Variants in DLGAP2 observed in about 807,000 individuals in gnomAD.
DLGAP2 encodes the protein disks large-associated protein 2.
Under a neutral mutation model 100.3 loss-of-function variants are expected in DLGAP2, and 26 were observed. The ratio of observed to expected loss-of-function variants is 0.26; its 90% CI spans 0.19 to 0.36. DLGAP2 has a LOEUF of 0.36. Among genes scored for constraint, DLGAP2 ranks in the 10% least tolerant of loss-of-function variants. The pLI is 1.00. For synonymous variants in DLGAP2, 886 were observed against 630.1 expected (o/e 1.41, Z -6.08); for missense variants, 1,858 against 1,453.2 (o/e 1.28, Z -4.53).
At chr8:1,392,693 G>A (rs1463558358) in intron 3 of DLGAP2, among the ~76,000 whole-genome samples, 4 of 152,214 alleles carry the variant, frequency 2.6e-5, no homozygotes, top group Non-Finnish European at 5.9e-5. Flanking sequence ...GGCCAGGCCT[G>A]GGTCAGCACA....
intron 2 of DLGAP2, among the ~76,000 whole-genome samples, chr8:1,114,495 C>T (rs1805056600): frequency 6.6e-6 from 1 of 152,002 alleles, no homozygotes. Flanking sequence ...TAGAGGTGTT[C>T]ATAGTAGTTT....
At chr8:1,488,885 C>G (rs1039072521) in intron 3 of DLGAP2, among the ~76,000 whole-genome samples, 10 of 152,230 alleles carry the variant, frequency 6.6e-5, no homozygotes, top group African/African-American at 2.4e-4. Flanking sequence ...CAAAGGGGAC[C>G]TGGATTCAGG....
intron 4 of DLGAP2, among the ~76,000 whole-genome samples, chr8:1,536,255 A>G (rs1237550477): frequency 2.6e-5 from 4 of 152,178 alleles, no homozygotes. Context: ...TTCTTGGAGC[A>G]GTAATGTTGT....
intron 3 of DLGAP2, among the ~76,000 whole-genome samples, chr8:1,440,733 C>A (rs910545155): frequency 6.6e-6 from 1 of 152,120 alleles, no homozygotes; most frequent in Non-Finnish European, 1.5e-5. Context: ...AGAAGCAACC[C>A]CGACATTGGT....
chr8:1,320,143 G>C (rs547584095), intron 3 of DLGAP2, among the ~76,000 whole-genome samples: 1 of 152,096 alleles, frequency 6.6e-6, no homozygotes, highest in Non-Finnish European at 1.5e-5. Flanking sequence ...GGCTGAAGGG[G>C]ACGGCCTGTG....
At chr8:1,418,567 A>G (rs925933686) in intron 3 of DLGAP2, among the ~76,000 whole-genome samples, 3 of 152,184 alleles carry the variant, frequency 2.0e-5, no homozygotes, top group African/African-American at 7.2e-5. Flanking sequence ...CTCTCTCTGC[A>G]TTCACACGAC....
intron 6 of DLGAP2, chr8:1,621,735 G>A (rs1473611254): frequency 1.3e-5 from 2 of 152,274 alleles, no homozygotes; most frequent in South Asian, 2.1e-4. Context: ...GCGGTCAAGG[G>A]TATCGCATTT....
At chr8:1,172,556 C>T (rs180924145) in intron 2 of DLGAP2, among the ~76,000 whole-genome samples, 5 of 152,274 alleles carry the variant, frequency 3.3e-5, no homozygotes, top group Admixed American at 1.3e-4. Flanking sequence ...CACATAGTCC[C>T]ATATTTCTTG....
chr8:1,023,085 TC>T (rs1801675399), intron 2 of DLGAP2, among the ~76,000 whole-genome samples: 1 of 152,202 alleles, frequency 6.6e-6, no homozygotes, highest in African/African-American at 2.4e-5. Context: ...GGCACCATGG[TC>T]AAGATGGTGA....
chr8:1,466,545 A>G (rs4425782), intron 3 of DLGAP2, among the ~76,000 whole-genome samples: 379 of 117,444 alleles, frequency 3.2e-3, no homozygotes, highest in East Asian at 0.021. Context: ...GTGTGTGTGT[A>G]TGTGTGTGTG....
At chr8:1,528,536 GC>G (rs1800872908) in intron 4 of DLGAP2, among the ~76,000 whole-genome samples, 2 of 152,250 alleles carry the variant, frequency 1.3e-5, no homozygotes, top group Non-Finnish European at 2.9e-5. Context: ...GATTCTCAGG[GC>G]CCACCCGGGG....
chr8:862,973 A>G (rs1001800331), intron 1 of DLGAP2, among the ~76,000 whole-genome samples: 6 of 152,238 alleles, frequency 3.9e-5, no homozygotes, highest in African/African-American at 1.4e-4. Flanking sequence ...TATCTGAGTC[A>G]GTTTGTGTCT....
At chr8:1,422,807 C>A (rs534984695) in intron 3 of DLGAP2, among the ~76,000 whole-genome samples, 1 of 152,134 alleles carries the variant, frequency 6.6e-6, no homozygotes, top group Admixed American at 6.5e-5. Context: ...GGGAGTGTTT[C>A]ATCCACAAGC....
chr8:1,088,721 G>T (rs1563184845), intron 2 of DLGAP2, among the ~76,000 whole-genome samples: 1 of 146,970 alleles, frequency 6.8e-6, no homozygotes, highest in Admixed American at 6.8e-5. Context: ...CATCCAGCAG[G>T]CTATGCAATT....
At chr8:1,542,029 G>A (rs1024201057) in intron 4 of DLGAP2, among the ~76,000 whole-genome samples, 9 of 152,222 alleles carry the variant, frequency 5.9e-5, no homozygotes, top group African/African-American at 2.2e-4. Context: ...AGCAACACAG[G>A]AAACAGCTTC....
chr8:1,108,892 G>C (rs568173937), intron 2 of DLGAP2, among the ~76,000 whole-genome samples: 3,183 of 130,524 alleles, frequency 0.024, 103 homozygotes, highest in African/African-American at 0.092. Flanking sequence ...GGGTCTGTGA[G>C]GTGTGCACGT....
chr8:769,304 A>C (rs867241406), intron 1 of DLGAP2, among the ~76,000 whole-genome samples: 6 of 152,000 alleles, frequency 3.9e-5, no homozygotes, highest in African/African-American at 4.8e-5. Context: ...TTGAGTTTCC[A>C]CTTGGATATC....
At chr8:1,212,238 G>A (rs960722211) in intron 2 of DLGAP2, among the ~76,000 whole-genome samples, 4 of 152,144 alleles carry the variant, frequency 2.6e-5, no homozygotes, top group African/African-American at 4.8e-5. Flanking sequence ...CTCATCCTTC[G>A]GATACCTGGA....
intron 3 of DLGAP2, among the ~76,000 whole-genome samples, chr8:1,458,000 AT>A (rs1331327380): frequency 1.1e-3 from 145 of 133,762 alleles, no homozygotes; most frequent in Non-Finnish European, 1.7e-3. Context: ...ATATATATAT[AT>A]ATATATATAT....
Sources: allele counts gnomAD v4.1 joint callset (sites outside exome capture counted in the v4.1 genomes callset), GRCh38; gene constraint gnomAD v4.1.1; transcripts MANE v1.5; gene names NCBI Gene and HGNC (gene_info 2026-07-23, HGNC 2026-07-21).